Variants in STK35 observed in about 807,000 individuals in gnomAD.
The protein encoded by STK35 is serine/threonine kinase 35.
Under a neutral mutation model 37.3 loss-of-function variants are expected in STK35, and 17 were observed. That is an observed-to-expected ratio of 0.46 (90% confidence interval 0.31 to 0.68). The LOEUF is 0.68. Ranked by LOEUF, STK35 falls within the 30% of genes least tolerant of loss-of-function variation. The pLI is 0.05. For missense variants in STK35, 595 were observed against 746.7 expected (o/e 0.80, Z 2.37); for synonymous variants, 385 against 319.1 (o/e 1.21, Z -2.20).
At chr20:2,122,464 T>G (rs1398716541) in intron 3 of STK35, among the ~76,000 whole-genome samples, 1 of 152,152 alleles carries the variant, frequency 6.6e-6, no homozygotes, top group Non-Finnish European at 1.5e-5. Flanking sequence ...CTAGTTTCAG[T>G]TTTTTTGCAA....
chr20:2,136,928 GATGGGAACCCAAAGGGTGAAT>G (rs1012246536), intron 3 of STK35, among the ~76,000 whole-genome samples: 4 of 152,214 alleles, frequency 2.6e-5, no homozygotes, highest in Admixed American at 2.0e-4. Flanking sequence ...AAGGCGTGTG[GATGGGAACCCAAAGGGTGAAT>G]GCGATCTGAG....
At position 2,144,993 on chromosome 20, in the gene STK35, A is replaced by G. The variant is rs1041348812; in HGVS notation, c.*1247A>G. On this transcript the variant is annotated 3_prime_UTR_variant, in exon 4 of 4. Transcript: ENST00000381482. ...AACAGCGGACCTGCCCAGAGCAGGG[A>G]GGTGTCGTGGAACTGGGTAGACCCC... The G allele has an allele frequency of 3.9e-5, 6 of 152,368 alleles. No homozygotes were observed. Among genetic ancestry groups the G allele is most frequent in the African/African-American group, 9.7e-5 (4 of 41,440 alleles). 9.4% of individuals were successfully genotyped at this position (152,368 alleles called of 1,614,324 possible).
At chr20:2,137,477 G>A (rs538333522) in intron 3 of STK35, among the ~76,000 whole-genome samples, 5 of 152,298 alleles carry the variant, frequency 3.3e-5, no homozygotes, top group Non-Finnish European at 5.9e-5. Flanking sequence ...TGGACCTGTG[G>A]TCTTCTGGGT....
rs1985724764 is a variant in STK35, at chr20:2,116,807, C to T, written c.1034C>T (p.Thr345Met). The T allele has an allele frequency of 6.2e-7, 1 of 1,614,164 alleles. No individual in the cohort carries two copies. The highest frequency in any genetic ancestry group is 8.5e-7 in the Non-Finnish European group (1 of 1,180,032). The change falls in exon 3 of 4, where the codon ACG becomes ATG. Residue 345 changes from threonine (T) to methionine (M), a missense_variant. This residue lies in a region of STK35 where 109 missense variants were observed against 280.3 expected (regional missense o/e 0.39). Coordinates refer to ENST00000381482, the MANE Select transcript of STK35 (RefSeq NM_080836.4). The stretch of plus-strand genomic sequence containing the variant: ...AACAAAAGTTTCATGCTACAGCTGA[C>T]GAGCGCCATTGCCTTCCTGCACAAA... ...ATNKSFMLQLTSAIAFLHKNH... is the reference protein window; with the variant it reads ...ATNKSFMLQLMSAIAFLHKNH...
At chr20:2,108,105 G>C (rs1182319150) in intron 2 of STK35, among the ~76,000 whole-genome samples, 1 of 152,230 alleles carries the variant, frequency 6.6e-6, no homozygotes, top group African/African-American at 2.4e-5. Flanking sequence ...ATTCAAACTT[G>C]AGTATGCTTT....
rs181970805 is a variant in STK35 at position 2,131,690 on chromosome 20, A to T, written c.*38-12094A>T. Among the ~76,000 whole-genome samples the T allele has an allele frequency of 1.9e-3, 287 of 152,234 alleles. 1 individual carries two copies. Among genetic ancestry groups the T allele is most frequent in the African/African-American group, 5.8e-3 (240 of 41,524 alleles). ...TTTGCTTTCTAAACTTAAAATTTTT[A>T]AAAAATTTCTTGATTCATTAACATT... On this transcript the variant is annotated intron_variant, in intron 3 of 3. Transcript: ENST00000381482.
intron 2 of STK35, among the ~76,000 whole-genome samples, chr20:2,107,857 A>G (rs1472259909): frequency 6.6e-6 from 1 of 152,220 alleles, no homozygotes; most frequent in Non-Finnish European, 1.5e-5. Flanking sequence ...GCTGGCTGGC[A>G]TTGGGGAAAT....
chr20:2,134,378 C>T (rs1054774728), intron 3 of STK35, among the ~76,000 whole-genome samples: 1 of 152,120 alleles, frequency 6.6e-6, no homozygotes, highest in Non-Finnish European at 1.5e-5. Context: ...CTGAAGTCTG[C>T]CTCCCTCCAA....
chr20:2,125,970 A>G (rs1985898375), intron 3 of STK35, among the ~76,000 whole-genome samples: 1 of 152,234 alleles, frequency 6.6e-6, no homozygotes, highest in Non-Finnish European at 1.5e-5. Context: ...ATAAGAGCCA[A>G]AGGCATCATA....
Position 2,148,023 on chromosome 20 carries a change from T to C in STK35, c.*4277T>C, listed in dbSNP as rs1337899364. 1 of 150,214 alleles carries C rather than the reference T, an allele frequency of 6.7e-6. No homozygotes were observed. The highest frequency in any genetic ancestry group is 6.8e-5 in the Admixed American group (1 of 14,692). The allele number at this position is 150,214 out of a possible 1,614,324, so 9.3% of individuals were successfully genotyped here. On this transcript the variant is annotated 3_prime_UTR_variant, in exon 4 of 4. Transcript: ENST00000381482. ...GGTGTGGCATTGAATTGGCCAGTGT[T>C]AGCATCTACAGCCATCACCGAGATG...
At chr20:2,115,404 T>TC (rs1985696313) in intron 2 of STK35, among the ~76,000 whole-genome samples, 1 of 152,100 alleles carries the variant, frequency 6.6e-6, no homozygotes, top group South Asian at 2.1e-4. Context: ...GGATGCATAC[T>TC]CCATACTGGG....
rs2122554342 is a variant in STK35 at position 2,117,259 on chromosome 20, A to T, written c.1486A>T (p.Thr496Ser). ...MELHIPQKRRTSMSEGIKQLL... is the reference protein window; with the variant it reads ...MELHIPQKRRSSMSEGIKQLL... ...GTTGCACATCCCCCAAAAACGCAGG[A>T]CTTCCATGTCTGAGGGGATCAAGCA... The change falls in exon 3 of 4, where the codon ACT becomes TCT. Residue 496 changes from threonine (T) to serine (S), a missense_variant. Coordinates refer to ENST00000381482, the MANE Select transcript of STK35 (RefSeq NM_080836.4). The surrounding 1 kb of genome is among the most constrained non-coding windows in gnomAD (Gnocchi z 4.4). The T allele has an allele frequency of 6.2e-7, 1 of 1,614,174 alleles. No individual in the cohort carries two copies. The highest frequency in any genetic ancestry group is 2.2e-5 in the East Asian group (1 of 44,880).
intron 3 of STK35, among the ~76,000 whole-genome samples, chr20:2,126,630 C>G (rs1302286314): frequency 6.6e-6 from 1 of 152,190 alleles, no homozygotes; most frequent in Non-Finnish European, 1.5e-5. Flanking sequence ...CTCCCAGCCC[C>G]TCTTTTCATT....
intron 2 of STK35, among the ~76,000 whole-genome samples, chr20:2,111,226 A>G (rs977281778): frequency 2.6e-5 from 4 of 152,146 alleles, no homozygotes; most frequent in Non-Finnish European, 5.9e-5. Context: ...TCATGCCTCC[A>G]TAAGGAACTT....
At chr20:2,129,343 C>T (rs955592866) in intron 3 of STK35, among the ~76,000 whole-genome samples, 11 of 152,110 alleles carry the variant, frequency 7.2e-5, no homozygotes, top group Non-Finnish European at 1.5e-4. Context: ...GTGGGGATTA[C>T]ATAGAACGGG....
chr20:2,108,148 A>C (rs1389685042), intron 2 of STK35, among the ~76,000 whole-genome samples: 1 of 152,226 alleles, frequency 6.6e-6, no homozygotes, highest in Non-Finnish European at 1.5e-5. Context: ...TGGGACAGGT[A>C]GCTTAAGTTC....
chr20:2,127,050 T>C (rs757477873), intron 3 of STK35, among the ~76,000 whole-genome samples: 4 of 152,128 alleles, frequency 2.6e-5, no homozygotes, highest in Non-Finnish European at 5.9e-5. Context: ...TGGTCACCTT[T>C]ATTTTTTTTT....
At chr20:2,109,287 G>A (rs6081981) in intron 2 of STK35, among the ~76,000 whole-genome samples, 6 of 152,240 alleles carry the variant, frequency 3.9e-5, no homozygotes, top group Non-Finnish European at 1.5e-5. Context: ...CTGAGGCTTA[G>A]GTGTGTGGCA....
intron 3 of STK35, among the ~76,000 whole-genome samples, chr20:2,118,704 C>T (rs1252577085): frequency 6.6e-6 from 1 of 152,222 alleles, no homozygotes; most frequent in Non-Finnish European, 1.5e-5. Context: ...TATAATGGAA[C>T]TGAAAAATTC....
Sources: allele counts gnomAD v4.1 joint callset (sites outside exome capture counted in the v4.1 genomes callset), GRCh38; gene constraint gnomAD v4.1.1; regional missense constraint gnomAD v4.1.1; non-coding constraint Gnocchi (gnomAD v3.1); transcripts MANE v1.5; gene names NCBI Gene and HGNC (gene_info 2026-07-23, HGNC 2026-07-21).